Variants in DCDC2 observed in about 807,000 individuals in gnomAD.
DCDC2 encodes the protein doublecortin domain containing 2, also known as doublecortin domain-containing protein 2.
A neutral mutation model predicts 50.2 loss-of-function variants in DCDC2; 40 were observed. The observed-to-expected ratio is 0.80, with a 90% CI of 0.62 to 1.04. DCDC2 has a LOEUF of 1.04. Ranked by LOEUF, DCDC2 falls within the 50% of genes least tolerant of loss-of-function variation. The pLI is 0.00. For missense variants in DCDC2, 570 were observed against 581.9 expected (o/e 0.98, Z 0.21); for synonymous variants, 234 against 210.6 (o/e 1.11, Z -0.96).
chr6:24,283,517 G>A (rs1243220591), intron 6 of DCDC2, among the ~76,000 whole-genome samples: 2 of 151,852 alleles, frequency 1.3e-5, no homozygotes, highest in Non-Finnish European at 2.9e-5. Flanking sequence ...AAGCCATGTA[G>A]GGAAAAATAA....
At position 24,316,992 on chromosome 6, in the gene DCDC2, T is replaced by TAG. The variant is rs71789198; in HGVS notation, c.349-14950_349-14949dup. The stretch of plus-strand genomic sequence containing the variant: ...ACATATGTGTATATACATATATATG[T>TAG]AGAGAGAGAGAGAGAGAGACAAATT... On this transcript the variant is annotated intron_variant, in intron 2 of 9. Coordinates refer to ENST00000378454, the MANE Select transcript of DCDC2 (RefSeq NM_016356.5). 8.2e-3 allele frequency among the ~76,000 whole-genome samples: 1,230 copies of TAG among 149,302 alleles called. 13 individuals are homozygous for TAG. Among genetic ancestry groups the TAG allele is most frequent in the South Asian group, 0.014 (68 of 4,748 alleles).
chr6:24,342,246 G>A (rs960880510), intron 2 of DCDC2, among the ~76,000 whole-genome samples: 3 of 152,130 alleles, frequency 2.0e-5, no homozygotes, highest in Non-Finnish European at 2.9e-5. Flanking sequence ...AAAACCATAC[G>A]GCAAAACAGG....
chr6:24,220,341 T>A (rs1453480257), intron 7 of DCDC2, among the ~76,000 whole-genome samples: 2 of 152,266 alleles, frequency 1.3e-5, no homozygotes, highest in African/African-American at 2.4e-5. Flanking sequence ...TGGACATTTT[T>A]AATTTTTATT....
intron 8 of DCDC2, among the ~76,000 whole-genome samples, chr6:24,189,227 C>A (rs1477103063): frequency 6.6e-6 from 1 of 152,092 alleles, no homozygotes; most frequent in Admixed American, 6.6e-5. Context: ...GTTGTTTCCT[C>A]TGGCTACATC....
At position 24,174,767 on chromosome 6, in the gene DCDC2, T is replaced by C. The variant is rs1199356737; in HGVS notation, c.1394A>G (p.Asn465Ser). Reference protein sequence around the residue: ...VKITSPEENENNQQNKDYAAV... With the variant: ...VKITSPEENESNQQNKDYAAV... Reference sequence around the variant, plus strand: ...AGCATAGTCCTTGTTTTGTTGGTTGTTTTCATTTTCTTCTGGACTGGTAAT... The same window carrying C: ...AGCATAGTCCTTGTTTTGTTGGTTGCTTTCATTTTCTTCTGGACTGGTAAT... Residue 465 changes from asparagine (N) to serine (S), a missense_variant, in exon 10 of 10, where the codon AAC (asparagine) becomes AGC (serine). Asn to Ser is a conservative substitution (Grantham distance 46, BLOSUM62 1). Coordinates refer to ENST00000378454, the MANE Select transcript of DCDC2 (RefSeq NM_016356.5). 3 of 1,613,758 alleles carry C rather than the reference T, an allele frequency of 1.9e-6. No individual in the cohort carries two copies. Among genetic ancestry groups the C allele is most frequent in the East Asian group, 2.2e-5 (1 of 44,826 alleles).
chr6:24,309,300 G>A lies in DCDC2; in HGVS notation c.349-7256C>T, dbSNP rs528553988. 4.4e-4 allele frequency among the ~76,000 whole-genome samples: 24 copies of A among 54,176 alleles called. No homozygotes were observed. In the East Asian group the frequency reaches 0.14, roughly 327 times the overall value. 35.5% of individuals were successfully genotyped at this position (54,176 alleles called of 152,430 possible). A position where few individuals can be genotyped will look rare whatever the true frequency, so the allele number is the denominator to read the frequency against. On this transcript the variant is annotated intron_variant, in intron 2 of 9. Coordinates refer to ENST00000378454, the MANE Select transcript of DCDC2 (RefSeq NM_016356.5). ...AGATCACGCCATTGCACTCCAGCCCGGGCGACACAGTGCAAGACTCCATCT... is the reference window on the plus strand; with the variant it reads ...AGATCACGCCATTGCACTCCAGCCCAGGCGACACAGTGCAAGACTCCATCT...
chr6:24,324,429 T>C (rs1171344094), intron 2 of DCDC2, among the ~76,000 whole-genome samples: 1 of 152,228 alleles, frequency 6.6e-6, no homozygotes, highest in Non-Finnish European at 1.5e-5. Context: ...CATCCAGATT[T>C]GCAGAAGCAA....
intron 7 of DCDC2, among the ~76,000 whole-genome samples, chr6:24,265,505 T>C (rs549097892): frequency 1.6e-4 from 24 of 152,150 alleles, no homozygotes; most frequent in African/African-American, 5.1e-4. Flanking sequence ...ATAGATCATA[T>C]GTTAGATCAC....
intron 7 of DCDC2, among the ~76,000 whole-genome samples, chr6:24,219,006 C>G (rs1762041841): frequency 6.6e-6 from 1 of 152,092 alleles, no homozygotes; most frequent in Admixed American, 6.5e-5. Context: ...TTGTTTTAAT[C>G]TGGGAGGAGG....
chr6:24,375,877 G>A, the DCDC2 span, among the ~76,000 whole-genome samples: 76 of 152,200 alleles, frequency 5.0e-4, no homozygotes, highest in African/African-American at 1.7e-3. Flanking sequence ...AGGCAGAGAA[G>A]GAGGGAGGGA....
intron 8 of DCDC2, among the ~76,000 whole-genome samples, chr6:24,194,493 G>A (rs574964156): frequency 5.9e-5 from 9 of 152,080 alleles, no homozygotes; most frequent in East Asian, 3.9e-4. Flanking sequence ...TCTTCCACTC[G>A]GTTCTGTCAA....
intron 7 of DCDC2, among the ~76,000 whole-genome samples, chr6:24,276,756 G>A (rs548471176): frequency 1.3e-5 from 2 of 151,860 alleles, no homozygotes; most frequent in East Asian, 3.9e-4. Flanking sequence ...TAGCCTCCTT[G>A]TTTGCTACTC....
At chr6:24,284,111 T>C (rs1256716945) in intron 6 of DCDC2, among the ~76,000 whole-genome samples, 3 of 152,212 alleles carry the variant, frequency 2.0e-5, no homozygotes, top group Non-Finnish European at 4.4e-5. Flanking sequence ...GGACATCATA[T>C]GAACTCAATA....
the DCDC2 span, among the ~76,000 whole-genome samples, chr6:24,367,957 G>C: frequency 2.0e-5 from 3 of 151,898 alleles, no homozygotes; most frequent in Admixed American, 2.0e-4. Flanking sequence ...AATGACCAAA[G>C]GTTTTTTTAA....
intron 2 of DCDC2, among the ~76,000 whole-genome samples, chr6:24,328,290 G>A (rs1024252380): frequency 3.3e-5 from 5 of 152,134 alleles, no homozygotes; most frequent in Non-Finnish European, 5.9e-5. Context: ...TTACATTTAC[G>A]ATTATTAGAT....
At chr6:24,302,269 C>T (rs1377672963) in intron 2 of DCDC2, among the ~76,000 whole-genome samples, 1 of 142,348 alleles carries the variant, frequency 7.0e-6, no homozygotes, top group Non-Finnish European at 1.5e-5. Flanking sequence ...CCCTTAAGCC[C>T]TAGGCACACT....
chr6:24,378,566 T>C, the DCDC2 span, among the ~76,000 whole-genome samples: 3 of 152,150 alleles, frequency 2.0e-5, no homozygotes, highest in Non-Finnish European at 4.4e-5. Context: ...CGGTGGGATG[T>C]TGCCTTACCT....
rs1180526777 is a variant in DCDC2 at position 24,205,052 on chromosome 6, C to T, written c.973G>A (p.Ala325Thr). 1.2e-6 allele frequency: 2 copies of T among 1,614,028 alleles called. No homozygotes were observed. The highest frequency in any genetic ancestry group is 1.7e-6 in the Non-Finnish European group (2 of 1,180,008). ...GAERSETRGAAEVQEDEDTQV... is the reference protein window; with the variant it reads ...GAERSETRGATEVQEDEDTQV... Reference sequence around the variant, plus strand: ...GTATCTTCATCTTCTTGGACTTCTGCTGCCCCCCGTGTTTCAGACCTCTCT... The same window carrying T: ...GTATCTTCATCTTCTTGGACTTCTGTTGCCCCCCGTGTTTCAGACCTCTCT... The change falls in exon 8 of 10, where the codon GCA (alanine) becomes ACA (threonine). Residue 325 changes from alanine to threonine, a missense_variant. By Grantham distance (58) the Ala-to-Thr change is moderately conservative (BLOSUM62 0). Coordinates refer to ENST00000378454, the MANE Select transcript of DCDC2 (RefSeq NM_016356.5).
chr6:24,224,675 G>A (rs1276984292), intron 7 of DCDC2, among the ~76,000 whole-genome samples: 3 of 152,058 alleles, frequency 2.0e-5, no homozygotes, highest in Non-Finnish European at 4.4e-5. Context: ...TATGGAAGAT[G>A]AGCTCACAAT....
Sources: gnomAD v4.1 joint callset for allele counts (sites outside exome capture counted in the v4.1 genomes callset) on GRCh38, gnomAD v4.1.1 for gene constraint, MANE v1.5 for transcripts, NCBI Gene and HGNC (gene_info 2026-07-23, HGNC 2026-07-21) for gene names.